CALN1: variants seen among roughly 807,000 people sequenced by gnomAD.
The protein encoded by CALN1 is calneuron 1.
A neutral mutation model predicts 30.6 loss-of-function variants in CALN1; 17 were observed. The observed-to-expected ratio is 0.56, with a 90% CI of 0.38 to 0.83. The LOEUF (loss-of-function observed/expected upper bound fraction) is 0.83, where lower values mean the gene tolerates loss of function less well. CALN1 is among the 40% of genes least tolerant of loss of function. The pLI is 0.00. For missense variants in CALN1, 291 were observed against 354.9 expected, an observed-to-expected ratio of 0.82 and a Z score of 1.45; for synonymous variants, 156 against 131.4, an observed-to-expected ratio of 1.19 and a Z score of -1.28.
At chr7:71,925,097 T>C (rs1376528259) in intron 5 of CALN1, among the ~76,000 whole-genome samples, 2 of 151,948 alleles carry the variant, frequency 1.3e-5, no homozygotes, top group Non-Finnish European at 2.9e-5. Context: ...AAAAATTAGC[T>C]GGGCATGGTG....
At chr7:72,295,222 T>G (rs1798768599) in intron 2 of CALN1, among the ~76,000 whole-genome samples, 1 of 152,190 alleles carries the variant, frequency 6.6e-6, no homozygotes, top group Non-Finnish European at 1.5e-5. Flanking sequence ...CCCTAAATAT[T>G]TCCTAGGTCA....
intron 6 of CALN1, 26 bp from the exon 7 acceptor site, chr7:71,787,928 G>A (rs1315058730): frequency 1.2e-5 from 20 of 1,613,672 alleles, no homozygotes; most frequent in Admixed American, 1.7e-5. Context: ...GCAGGTGTGG[G>A]AAGAAGGAAG....
At chr7:72,253,740 T>C (rs555816017) in intron 3 of CALN1, among the ~76,000 whole-genome samples, 3 of 152,248 alleles carry the variant, frequency 2.0e-5, no homozygotes, top group African/African-American at 7.2e-5. Flanking sequence ...AGCCAAACCA[T>C]ATCCCCATTC....
intron 5 of CALN1, among the ~76,000 whole-genome samples, chr7:71,992,586 G>A (rs1359528000): frequency 6.6e-6 from 1 of 152,094 alleles, no homozygotes; most frequent in East Asian, 1.9e-4. Flanking sequence ...TCAAACTCCT[G>A]GCTTCAAGCA....
chr7:72,382,445 T>G (rs1340148272), intron 2 of CALN1, among the ~76,000 whole-genome samples: 1 of 152,204 alleles, frequency 6.6e-6, no homozygotes, highest in Non-Finnish European at 1.5e-5. Context: ...TCCTGGTGAC[T>G]GTTATTAGAA....
chr7:72,302,497 T>C (rs1799341813), intron 2 of CALN1, among the ~76,000 whole-genome samples: 1 of 152,114 alleles, frequency 6.6e-6, no homozygotes, highest in African/African-American at 2.4e-5. Context: ...TTAGAAAGTT[T>C]ACAATTTGGC....
At chr7:71,889,373 G>T (rs1024801733) in intron 5 of CALN1, among the ~76,000 whole-genome samples, 4 of 152,060 alleles carry the variant, frequency 2.6e-5, no homozygotes, top group African/African-American at 9.7e-5. Context: ...TCCAGTACAT[G>T]CAAGGTAAAA....
At chr7:72,023,475 G>A (rs888980391) in intron 5 of CALN1, among the ~76,000 whole-genome samples, 182 bp downstream of exon 5, 1 of 152,100 alleles carries the variant, frequency 6.6e-6, no homozygotes, top group Non-Finnish European at 1.5e-5. Flanking sequence ...AAAAAATGGG[G>A]AGATATTTCA....
intron 3 of CALN1, among the ~76,000 whole-genome samples, chr7:72,204,663 G>T (rs1379886175): frequency 6.6e-6 from 1 of 152,088 alleles, no homozygotes; most frequent in Non-Finnish European, 1.5e-5. Flanking sequence ...AGCATAATGG[G>T]AATCACAACA....
intron 1 of CALN1, among the ~76,000 whole-genome samples, chr7:72,445,105 CAA>C (rs1491307927): frequency 5.3e-4 from 69 of 129,092 alleles, no homozygotes; most frequent in African/African-American, 1.9e-3. Flanking sequence ...CACACACACA[CAA>C]CATTAAGTTG....
intron 5 of CALN1, among the ~76,000 whole-genome samples, chr7:72,021,161 G>A (rs1800684283): frequency 6.6e-6 from 1 of 152,096 alleles, no homozygotes; most frequent in Non-Finnish European, 1.5e-5. Flanking sequence ...TGTGGTCCCA[G>A]CCACTTGGAA....
At chr7:71,951,612 A>AAAC (rs369681182) in intron 5 of CALN1, among the ~76,000 whole-genome samples, 12 of 152,116 alleles carry the variant, frequency 7.9e-5, no homozygotes, top group Non-Finnish European at 1.0e-4. Flanking sequence ...AACAAAAACA[A>AAAC]AACAACAACA....
At chr7:71,921,923 T>G (rs945007566) in intron 5 of CALN1, among the ~76,000 whole-genome samples, 1 of 151,976 alleles carries the variant, frequency 6.6e-6, no homozygotes, top group African/African-American at 2.4e-5. Context: ...CTCCCCAGGT[T>G]GAGGCAGGTA....
chr7:72,130,818 T>C (rs1258450863), intron 3 of CALN1, among the ~76,000 whole-genome samples: 1 of 152,200 alleles, frequency 6.6e-6, no homozygotes. Context: ...TGCTGAAGGA[T>C]GGGATTGTGG....
At chr7:72,487,042 A>C in the CALN1 span, among the ~76,000 whole-genome samples, 2 of 152,168 alleles carry the variant, frequency 1.3e-5, no homozygotes, top group African/African-American at 2.4e-5. Context: ...ATGTGGATGT[A>C]TCTCTCCTTC....
intron 3 of CALN1, among the ~76,000 whole-genome samples, chr7:72,271,880 G>A (rs1014474714): frequency 5.9e-5 from 9 of 151,622 alleles, no homozygotes; most frequent in African/African-American, 1.9e-4. Flanking sequence ...TGGCCAACAT[G>A]GTGAAACCCC....
At chr7:72,106,975 G>GAGAAAGAAAGAAAGGAAAGAAAGAAAAAT (rs1807210924) in intron 3 of CALN1, among the ~76,000 whole-genome samples, 1 of 149,890 alleles carries the variant, frequency 6.7e-6, no homozygotes. Context: ...GGGAGAAAGA[G>GAGAAAGAAAGAAAGGAAAGAAAGAAAAAT]AGAAAGAAAG....
chr7:72,234,431 C>CT (rs775155407), intron 3 of CALN1, among the ~76,000 whole-genome samples: 2 of 151,948 alleles, frequency 1.3e-5, no homozygotes, highest in Non-Finnish European at 2.9e-5. Context: ...GTCCACTTGT[C>CT]TTTTTTTGTT....
At chr7:72,410,454 T>C (rs1199425042) in intron 1 of CALN1, among the ~76,000 whole-genome samples, 1 of 152,226 alleles carries the variant, frequency 6.6e-6, no homozygotes, top group Non-Finnish European at 1.5e-5. Context: ...AAATCAAAGT[T>C]GTTTTCTCCC....
Sources: allele counts gnomAD v4.1 joint callset (sites outside exome capture counted in the v4.1 genomes callset), GRCh38; gene constraint gnomAD v4.1.1; transcripts MANE v1.5; gene names NCBI Gene and HGNC (gene_info 2026-07-23, HGNC 2026-07-21).